SLC35F3: variants seen among roughly 807,000 people sequenced by gnomAD.
SLC35F3 encodes putative thiamine transporter SLC35F3.
In SLC35F3, 25 loss-of-function variants were observed where a neutral mutation model predicts 49.9. The observed-to-expected ratio is 0.50, with a 90% CI of 0.37 to 0.70. The LOEUF is 0.70. Among genes scored for constraint, SLC35F3 ranks in the 30% least tolerant of loss-of-function variants. The pLI is 0.00. For missense variants in SLC35F3, 525 were observed against 639.8 expected (o/e 0.82, Z 1.94); for synonymous variants, 275 against 265.4 (o/e 1.04, Z -0.35).
At chr1:234,029,616 G>C (rs939212824) in intron 2 of SLC35F3, among the ~76,000 whole-genome samples, 2 of 152,114 alleles carry the variant, frequency 1.3e-5, no homozygotes, top group African/African-American at 4.8e-5. Flanking sequence ...CAGCAATTGA[G>C]ACCAATCTGA....
chr1:234,174,841 T>C (rs560186078), intron 2 of SLC35F3, among the ~76,000 whole-genome samples: 26 of 152,338 alleles, frequency 1.7e-4, no homozygotes, highest in Middle Eastern at 3.4e-3. Flanking sequence ...ACAAGGGCAC[T>C]GTTCTTTACC....
chr1:234,050,006 A>T (rs1190105055), intron 2 of SLC35F3, among the ~76,000 whole-genome samples: 6 of 152,174 alleles, frequency 3.9e-5, no homozygotes, highest in Admixed American at 2.0e-4. Flanking sequence ...CATGGTGTAT[A>T]TGTGCCACAC....
chr1:234,015,552 A>G (rs750990322), intron 2 of SLC35F3, among the ~76,000 whole-genome samples: 9 of 152,174 alleles, frequency 5.9e-5, no homozygotes, highest in Non-Finnish European at 1.2e-4. Context: ...AGAACACACT[A>G]TGGGGGAAAG....
intron 2 of SLC35F3, among the ~76,000 whole-genome samples, chr1:234,004,018 G>A (rs1663592080): frequency 6.6e-6 from 1 of 152,154 alleles, no homozygotes; most frequent in African/African-American, 2.4e-5. Flanking sequence ...AATGACTGCA[G>A]CCACTAGGAA....
chr1:234,059,331 T>C (rs543147991), intron 2 of SLC35F3, among the ~76,000 whole-genome samples: 1 of 152,278 alleles, frequency 6.6e-6, no homozygotes, highest in African/African-American at 2.4e-5. Flanking sequence ...AGCACTGTTT[T>C]AGCTGCACTC....
intron 3 of SLC35F3, among the ~76,000 whole-genome samples, chr1:234,249,492 G>A (rs554102751): frequency 2.6e-5 from 4 of 152,250 alleles, no homozygotes; most frequent in East Asian, 1.9e-4. Context: ...TGGGCATGTC[G>A]GTGAGGGTTT....
chr1:233,960,032 T>C (rs180881744), intron 2 of SLC35F3, among the ~76,000 whole-genome samples: 1 of 152,312 alleles, frequency 6.6e-6, no homozygotes, highest in Non-Finnish European at 1.5e-5. Flanking sequence ...TGCCTTTCTA[T>C]CTTCCTGCCT....
chr1:233,992,831 G>A (rs1258103368), intron 2 of SLC35F3, among the ~76,000 whole-genome samples: 1 of 152,100 alleles, frequency 6.6e-6, no homozygotes, highest in Non-Finnish European at 1.5e-5. Context: ...AGGGCATCTG[G>A]AGTGAGATGT....
chr1:234,099,407 C>T (rs576042183), intron 2 of SLC35F3, among the ~76,000 whole-genome samples: 1 of 152,070 alleles, frequency 6.6e-6, no homozygotes, highest in South Asian at 2.1e-4. Context: ...GTCAAGAGAT[C>T]GAGACCATCC....
chr1:233,911,386 A>G (rs887130214), intron 2 of SLC35F3, among the ~76,000 whole-genome samples: 1 of 152,222 alleles, frequency 6.6e-6, no homozygotes, highest in African/African-American at 2.4e-5. Flanking sequence ...GAAATATGAG[A>G]TGGAGAAGAT....
chr1:233,964,571 C>T (rs7537053), intron 2 of SLC35F3, among the ~76,000 whole-genome samples: 30,782 of 152,068 alleles, frequency 0.2, 3,331 homozygotes, highest in East Asian at 0.37. Flanking sequence ...GTAAAGGAGG[C>T]GAATCAGGGT....
intron 2 of SLC35F3, among the ~76,000 whole-genome samples, chr1:234,066,401 C>T (rs1005904766): frequency 1.3e-5 from 2 of 152,064 alleles, no homozygotes; most frequent in African/African-American, 4.8e-5. Flanking sequence ...CATTCTGCCC[C>T]AACTACGCTG....
chr1:233,923,203 A>G (rs1034072739), intron 2 of SLC35F3, among the ~76,000 whole-genome samples: 13 of 152,238 alleles, frequency 8.5e-5, no homozygotes, highest in African/African-American at 3.1e-4. Flanking sequence ...TGGTAGCTTG[A>G]TGGGTATGGC....
intron 2 of SLC35F3, among the ~76,000 whole-genome samples, chr1:234,142,983 G>A (rs893737832): frequency 6.6e-6 from 1 of 152,142 alleles, no homozygotes; most frequent in African/African-American, 2.4e-5. Flanking sequence ...TATACATAGT[G>A]AAATGATTAT....
intron 2 of SLC35F3, among the ~76,000 whole-genome samples, chr1:233,961,455 CTTTTTT>C (rs35494872): frequency 2.3e-5 from 3 of 130,458 alleles, no homozygotes; most frequent in South Asian, 5.0e-4. Flanking sequence ...TTTTTCCTCT[CTTTTTT>C]TTTTTTTTTT....
intron 2 of SLC35F3, among the ~76,000 whole-genome samples, chr1:234,089,332 G>A (rs150355650): frequency 5.3e-5 from 8 of 152,334 alleles, no homozygotes; most frequent in South Asian, 2.1e-4. Context: ...GTGGAAGGAC[G>A]GCATTAGGGA....
chr1:234,189,701 T>C (rs1666703774), intron 2 of SLC35F3, among the ~76,000 whole-genome samples: 1 of 152,052 alleles, frequency 6.6e-6, no homozygotes, highest in Non-Finnish European at 1.5e-5. Flanking sequence ...GACATCCAAA[T>C]ACAAGAAGCT....
intron 2 of SLC35F3, among the ~76,000 whole-genome samples, chr1:233,949,803 A>AG (rs1662574669): frequency 6.6e-6 from 1 of 152,216 alleles, no homozygotes; most frequent in Admixed American, 6.5e-5. Flanking sequence ...GTAAGACATC[A>AG]GGGAACCCAA....
rs1246305953 is a variant in SLC35F3, at chr1:234,027,750, A to G, written c.283+121992A>G. ...ATTCCCTGTATTCCTTCATTTAGTA[A>G]AAATTCACTGGGAGCCTGCGCCAGT... On this transcript the variant is annotated intron_variant, in intron 2 of 7. Coordinates refer to ENST00000366618, the MANE Select transcript of SLC35F3 (RefSeq NM_173508.4). This position sits in a 1 kb window ranked among gnomAD's most constrained non-coding sequence, Gnocchi z 4.1. Among the ~76,000 whole-genome samples, 4 of 152,202 alleles carry G rather than the reference A, an allele frequency of 2.6e-5. No individual in the cohort carries two copies. Among genetic ancestry groups the G allele is most frequent in the Non-Finnish European group, 5.9e-5 (4 of 68,034 alleles).
Sources: allele counts gnomAD v4.1 joint callset (sites outside exome capture counted in the v4.1 genomes callset), GRCh38; gene constraint gnomAD v4.1.1; non-coding constraint Gnocchi (gnomAD v3.1); transcripts MANE v1.5; gene names NCBI Gene and HGNC (gene_info 2026-07-23, HGNC 2026-07-21).